DNMBP: variants seen among roughly 807,000 people sequenced by gnomAD.
DNMBP encodes the protein dynamin-binding protein.
A neutral mutation model predicts 150.0 loss-of-function variants in DNMBP; 87 were observed. That is an observed-to-expected ratio of 0.58 (90% CI 0.49 to 0.69). The LOEUF (loss-of-function observed/expected upper bound fraction) is 0.69, where lower values mean the gene tolerates loss of function less well. Ranked by LOEUF, DNMBP falls within the 30% of genes least tolerant of loss-of-function variation. The pLI is 0.00. For synonymous variants in DNMBP, 711 were observed against 750.4 expected (o/e 0.95, Z 0.86); for missense variants, 1,774 against 1,949.0 (o/e 0.91, Z 1.69).
At chr10:99,953,819 A>AAAAAAAAGAAAAAG (rs1229016312) in intron 4 of DNMBP, among the ~76,000 whole-genome samples, 6,959 of 133,482 alleles carry the variant, frequency 0.052, 317 homozygotes, top group African/African-American at 0.083. Context: ...GTCTCAAAAA[A>AAAAAAAAGAAAAAG]AAAAAGAAAA....
Position 99,898,173 on chromosome 10 carries a change from G to C in DNMBP, c.2833C>G (p.Pro945Ala). Residue 945 changes from proline (P) to alanine (A), a missense_variant, in exon 9 of 17, where the codon CCA (proline) becomes GCA (alanine). Around this residue, in one of 2 missense-constraint regions of DNMBP, gnomAD observed 1,430 missense variants for 1,492.5 expected, o/e 0.96. Coordinates refer to ENST00000324109, the MANE Select transcript of DNMBP (RefSeq NM_015221.4). ...GCATTGGTTAAAGGCACTTTATCTG[G>C]GTGGGATTCTGGGGTGGAATTCAGC... Reference protein sequence around the residue: ...ELLNSTPESHPDKVPLTNAVL... With the variant: ...ELLNSTPESHADKVPLTNAVL... 6.2e-7 allele frequency: 1 copy of C among 1,613,998 alleles called. No homozygotes were observed.
At chr10:99,941,207 G>A (rs781416829) in intron 4 of DNMBP, among the ~76,000 whole-genome samples, 19 of 151,962 alleles carry the variant, frequency 1.3e-4, no homozygotes, top group South Asian at 2.1e-4. Flanking sequence ...TCGTGAAACC[G>A]TTTTTCCATT....
At chr10:99,950,447 G>A (rs2040407816) in intron 4 of DNMBP, among the ~76,000 whole-genome samples, 1 of 152,182 alleles carries the variant, frequency 6.6e-6, no homozygotes, top group African/African-American at 2.4e-5. Flanking sequence ...GGCGGAGGCT[G>A]GAACAATTTG....
At chr10:99,942,251 T>C (rs1453428184) in intron 4 of DNMBP, among the ~76,000 whole-genome samples, 1 of 152,202 alleles carries the variant, frequency 6.6e-6, no homozygotes, top group African/African-American at 2.4e-5. Flanking sequence ...CCATAGATTG[T>C]TTTCCCTTCT....
Position 99,877,092 on chromosome 10 carries a change from C to CGTATAATTA in DNMBP, c.*58_*59insTAATTATAC. ...AGCAGGCGCCCTCTCGGTGGGCCGC[C>CGTATAATTA]AGAACCCTCGGCGGACTGAAAGCAA... On this transcript the variant is annotated 3_prime_UTR_variant, in exon 17 of 17. Transcript: ENST00000324109. The CGTATAATTA allele has an allele frequency of 1.4e-6, 2 of 1,383,400 alleles. No individual in the cohort carries two copies. The highest frequency in any genetic ancestry group is 2.7e-5 in the Admixed American group (1 of 36,872). The allele number at this position is 1,383,400 out of a possible 1,614,324, so 85.7% of individuals were successfully genotyped here. A position where few individuals can be genotyped will look rare whatever the true frequency, so the allele number is the denominator to read the frequency against.
intron 1 of DNMBP, among the ~76,000 whole-genome samples, chr10:99,986,814 T>C (rs1237784898): frequency 6.6e-6 from 1 of 152,116 alleles, no homozygotes; most frequent in Non-Finnish European, 1.5e-5. Context: ...TGAGGTATGT[T>C]AGAACTCATC....
At chr10:99,973,621 T>C (rs1342926881) in intron 1 of DNMBP, among the ~76,000 whole-genome samples, 2 of 152,192 alleles carry the variant, frequency 1.3e-5, no homozygotes, top group East Asian at 3.9e-4. Context: ...ACTGAGACTA[T>C]CTGCAAACAA....
At chr10:99,940,820 C>G (rs1045181143) in intron 4 of DNMBP, among the ~76,000 whole-genome samples, 4 of 152,128 alleles carry the variant, frequency 2.6e-5, no homozygotes, top group Non-Finnish European at 5.9e-5. Flanking sequence ...ACAAGGTCAC[C>G]AAATCCCACA....
intron 1 of DNMBP, among the ~76,000 whole-genome samples, chr10:99,977,407 TA>T (rs2040739416): frequency 6.6e-6 from 1 of 152,086 alleles, no homozygotes; most frequent in African/African-American, 2.4e-5. Flanking sequence ...CAGATAGAAG[TA>T]AAAAGAACTG....
chr10:99,905,942 T>C (rs1187560683), intron 6 of DNMBP, among the ~76,000 whole-genome samples: 10 of 152,184 alleles, frequency 6.6e-5, no homozygotes, highest in African/African-American at 1.7e-4. Flanking sequence ...TGCAGTCCAG[T>C]CTGGATAACA....
At chr10:99,902,814 G>C (rs1164299461) in intron 6 of DNMBP, among the ~76,000 whole-genome samples, 1 of 151,430 alleles carries the variant, frequency 6.6e-6, no homozygotes, top group Non-Finnish European at 1.5e-5. Flanking sequence ...TGTAATCCCA[G>C]CTACTCGGGA....
At chr10:99,939,064 AGAG>A (rs2040265883) in intron 4 of DNMBP, among the ~76,000 whole-genome samples, 1 of 151,930 alleles carries the variant, frequency 6.6e-6, no homozygotes, top group African/African-American at 2.4e-5. Flanking sequence ...TTGGAAGGAG[AGAG>A]AAGAGACAGA....
chr10:99,917,227 C>T (rs953667213), intron 4 of DNMBP, among the ~76,000 whole-genome samples: 3 of 151,912 alleles, frequency 2.0e-5, no homozygotes, highest in South Asian at 2.1e-4. Context: ...TGTGGTGGCA[C>T]GCGCCTATAA....
chr10:99,915,210 T>TACAC (rs202144781), intron 4 of DNMBP, among the ~76,000 whole-genome samples: 8,434 of 117,044 alleles, frequency 0.072, 361 homozygotes, highest in African/African-American at 0.14. Flanking sequence ...TATACATATA[T>TACAC]ACATACACAC....
intron 1 of DNMBP, among the ~76,000 whole-genome samples, chr10:99,985,695 CT>C (rs1296914903): frequency 6.6e-6 from 1 of 152,212 alleles, no homozygotes; most frequent in Non-Finnish European, 1.5e-5. Context: ...GCACATTTCT[CT>C]TGTCCTTGAC....
rs1554857510 is a variant in DNMBP at position 99,879,101 on chromosome 10, A to AAAAAC, written c.4548+709_4548+710insGTTTT. Among the ~76,000 whole-genome samples the AAAAAC allele has an allele frequency of 2.3e-4, 31 of 135,162 alleles. 2 individuals are homozygous for AAAAAC. The highest frequency in any genetic ancestry group is 5.9e-4 in the Admixed American group (8 of 13,520). The allele number at this position is 135,162 out of a possible 152,430, so 88.7% of individuals were successfully genotyped here. A position where few individuals can be genotyped will look rare whatever the true frequency, so the allele number is the denominator to read the frequency against. ...CTCTGTCTCAAAAAAAAAAAAAAAA[A>AAAAAC]CCCAAAACGTTTGAGATACAAAGCC... On this transcript the variant is annotated intron_variant, in intron 16 of 16. Coordinates refer to ENST00000324109, the MANE Select transcript of DNMBP (RefSeq NM_015221.4).
chr10:99,969,479 C>T lies in DNMBP; in HGVS notation c.146-242G>A, dbSNP rs151279897. Among the ~76,000 whole-genome samples, 565 of 152,252 alleles carry T rather than the reference C, an allele frequency of 3.7e-3. 3 individuals carry two copies. The highest frequency in any genetic ancestry group is 8.7e-3 in the South Asian group (42 of 4,812). On this transcript the variant is annotated intron_variant, in intron 2 of 16. Coordinates refer to ENST00000324109, the MANE Select transcript of DNMBP (RefSeq NM_015221.4). ...ACTGGGGGCTGCTATAGGCAAAGCA[C>T]GCTGCAGAGGAAAACATAAGACAGT... is the stretch of plus-strand genomic sequence containing the variant.
chr10:99,908,826 G>T, intron 5 of DNMBP, 127 bp downstream of exon 5: 3 of 855,830 alleles, frequency 3.5e-6, no homozygotes, highest in Non-Finnish European at 5.4e-6. Context: ...ATTAAGAGCA[G>T]CAGCACTCAC....
chr10:99,881,379 G>A (rs1217877353), intron 15 of DNMBP, among the ~76,000 whole-genome samples: 1 of 152,206 alleles, frequency 6.6e-6, no homozygotes, highest in African/African-American at 2.4e-5. Context: ...CACGTAACGT[G>A]TACTGCACAT....
Sources: gnomAD v4.1 joint callset for allele counts (sites outside exome capture counted in the v4.1 genomes callset) on GRCh38, gnomAD v4.1.1 for gene constraint, gnomAD v4.1.1 regional missense constraint, MANE v1.5 for transcripts, NCBI Gene and HGNC (gene_info 2026-07-23, HGNC 2026-07-21) for gene names.